Variants in ZNF644 observed in about 807,000 individuals in gnomAD.
ZNF644 encodes the protein zinc finger motif enhancer binding protein 2.
ZNF644 carries 20 observed loss-of-function variants against 108.0 expected under a neutral mutation model. That is an observed-to-expected ratio of 0.19 (90% CI 0.13 to 0.27). The LOEUF (loss-of-function observed/expected upper bound fraction) is 0.27, where lower values mean the gene tolerates loss of function less well. Ranked by LOEUF, ZNF644 falls within the 10% of genes least tolerant of loss-of-function variation. The pLI is 1.00. For missense variants in ZNF644, 1,338 were observed against 1,548.9 expected, an observed-to-expected ratio of 0.86 and a Z score of 2.29; for synonymous variants, 542 against 539.1, an observed-to-expected ratio of 1.01 and a Z score of -0.08.
At chr1:90,941,830 T>C (rs1184079543) in intron 2 of ZNF644, among the ~76,000 whole-genome samples, 2 of 152,154 alleles carry the variant, frequency 1.3e-5, no homozygotes, top group Non-Finnish European at 2.9e-5. Flanking sequence ...CAAAACACCA[T>C]TCAGTAAATA....
chr1:91,005,076 A>T (rs1048614893), intron 1 of ZNF644, among the ~76,000 whole-genome samples: 4 of 152,162 alleles, frequency 2.6e-5, no homozygotes, highest in African/African-American at 9.6e-5. Flanking sequence ...TCCAACTATA[A>T]CTGGCTACAA....
chr1:90,960,574 C>T (rs1057227947), intron 2 of ZNF644, among the ~76,000 whole-genome samples: 1 of 152,054 alleles, frequency 6.6e-6, no homozygotes, highest in Admixed American at 6.6e-5. Flanking sequence ...TGAATTTTAC[C>T]TCTGTTTAAA....
At chr1:90,953,114 T>A (rs145972147) in intron 2 of ZNF644, among the ~76,000 whole-genome samples, 6 of 151,368 alleles carry the variant, frequency 4.0e-5, no homozygotes, top group African/African-American at 9.7e-5. Context: ...AAAAAAATAG[T>A]ATCTCATAAA....
intron 1 of ZNF644, among the ~76,000 whole-genome samples, chr1:90,996,436 T>C (rs1324738372): frequency 6.6e-6 from 1 of 152,172 alleles, no homozygotes; most frequent in East Asian, 1.9e-4. Context: ...CAGCACACTT[T>C]AAGGCATCTT....
intron 1 of ZNF644, among the ~76,000 whole-genome samples, chr1:91,005,276 T>G (rs1659306737): frequency 6.6e-6 from 1 of 152,214 alleles, no homozygotes; most frequent in Admixed American, 6.5e-5. Context: ...CCATCAAAAT[T>G]ACATGCCACT....
chr1:90,968,336 T>C (rs1049592093), intron 2 of ZNF644, among the ~76,000 whole-genome samples: 4 of 152,178 alleles, frequency 2.6e-5, no homozygotes, highest in East Asian at 3.9e-4. Flanking sequence ...AAATATAGTA[T>C]TGCATAGGCA....
intron 1 of ZNF644, among the ~76,000 whole-genome samples, chr1:90,989,955 A>AC (rs1310158431): frequency 1.3e-5 from 2 of 152,242 alleles, no homozygotes; most frequent in Non-Finnish European, 2.9e-5. Context: ...GAATGTGTAT[A>AC]CATACAATGG....
At chr1:90,987,520 A>G (rs964233875) in intron 1 of ZNF644, among the ~76,000 whole-genome samples, 10 of 152,210 alleles carry the variant, frequency 6.6e-5, no homozygotes, top group Admixed American at 5.2e-4. Flanking sequence ...TAGTAAACAG[A>G]GATTGGATGC....
At chr1:91,015,745 T>G (rs1283134557) in intron 1 of ZNF644, among the ~76,000 whole-genome samples, 2 of 152,114 alleles carry the variant, frequency 1.3e-5, no homozygotes, top group African/African-American at 4.8e-5. Context: ...TATAACAACC[T>G]TGTCTTTATC....
At chr1:90,996,035 A>G (rs1324568649) in intron 1 of ZNF644, among the ~76,000 whole-genome samples, 1 of 152,198 alleles carries the variant, frequency 6.6e-6, no homozygotes, top group African/African-American at 2.4e-5. Flanking sequence ...TAAATACTGC[A>G]CACATTCTTT....
chr1:91,013,470 C>CACACACACACACAT (rs946705233), intron 1 of ZNF644, among the ~76,000 whole-genome samples: 3 of 149,434 alleles, frequency 2.0e-5, no homozygotes, highest in African/African-American at 7.6e-5. Flanking sequence ...CACACACACA[C>CACACACACACACAT]ACACACACAC....
intron 2 of ZNF644, among the ~76,000 whole-genome samples, chr1:90,978,382 TA>T (rs1340612745): frequency 6.7e-6 from 1 of 149,884 alleles, no homozygotes; most frequent in African/African-American, 2.5e-5. Context: ...AAATACTAAA[TA>T]CTAACTGTTA....
In ZNF644 at chr1:90,938,704, G is replaced by C; in HGVS notation, c.2650C>G (p.Gln884Glu). ...AAAGGGAATAAATTTACATGCTCTT[G>C]ATTAATATCACTATAGGTTTCATCT... ...IEDETYSDINQEHVNLFPLFK... is the reference protein window; with the variant it reads ...IEDETYSDINEEHVNLFPLFK... Residue 884 changes from glutamine to glutamate, a missense_variant, in exon 3 of 6, where the codon CAA becomes GAA. By Grantham distance (29) the Gln-to-Glu change is conservative (BLOSUM62 2). Around this residue, in one of 6 missense-constraint regions of ZNF644, gnomAD observed 462 missense variants for 472.6 expected, o/e 0.98. Transcript: ENST00000337393. The surrounding 1 kb of genome is among the most constrained non-coding windows in gnomAD (Gnocchi z 4.2). 6.2e-7 allele frequency: 1 copy of C among 1,613,328 alleles called. No homozygotes were observed. Among genetic ancestry groups the C allele is most frequent in the Non-Finnish European group, 8.5e-7 (1 of 1,179,824 alleles).
At chr1:90,985,456 C>T (rs966772386) in intron 1 of ZNF644, among the ~76,000 whole-genome samples, 4 of 152,122 alleles carry the variant, frequency 2.6e-5, no homozygotes, top group African/African-American at 9.7e-5. Flanking sequence ...CTCCTCTTGC[C>T]CCATCCACTC....
intron 2 of ZNF644, among the ~76,000 whole-genome samples, chr1:90,962,425 G>A (rs1035748665): frequency 6.6e-6 from 1 of 151,922 alleles, no homozygotes; most frequent in Non-Finnish European, 1.5e-5. Context: ...TTTAATAAAT[G>A]ATGTCATATA....
intron 2 of ZNF644, among the ~76,000 whole-genome samples, chr1:90,968,925 A>T (rs1055524603): frequency 2.0e-5 from 3 of 152,212 alleles, no homozygotes; most frequent in African/African-American, 7.2e-5. Flanking sequence ...AATGCACCAC[A>T]TCTTGTTATT....
chr1:91,010,364 G>A (rs1489040959), intron 1 of ZNF644, among the ~76,000 whole-genome samples: 7 of 147,956 alleles, frequency 4.7e-5, no homozygotes, highest in South Asian at 4.3e-4. Context: ...TCAGCTTCCC[G>A]AATAGCTGGG....
chr1:90,940,891 A>G lies in ZNF644; in HGVS notation c.463T>C (p.Leu155=). Residue 155 remains leucine, a synonymous_variant, in exon 3 of 6, where the codon TTG becomes CTG. Transcript: ENST00000337393. ...AGCTGAAGATCAGCTGCTACCTTCA[A>G]AGTTGAACAAGATTCTGTTGTTGGC... is the stretch of plus-strand genomic sequence containing the variant. ...DQPTTESCST[L]KVAADLQLST... is the part of the protein sequence containing the mutation. The G allele has an allele frequency of 1.9e-6, 3 of 1,614,072 alleles. No homozygotes were observed. The highest frequency in any genetic ancestry group is 2.5e-6 in the Non-Finnish European group (3 of 1,179,974).
chr1:90,931,201 CAA>C (rs536048815), intron 4 of ZNF644, among the ~76,000 whole-genome samples: 1 of 150,800 alleles, frequency 6.6e-6, no homozygotes, highest in African/African-American at 2.4e-5. Context: ...ACATTAGGCA[CAA>C]AAAAAGCTAA....
Sources: gnomAD v4.1 joint callset for allele counts (sites outside exome capture counted in the v4.1 genomes callset) on GRCh38, gnomAD v4.1.1 for gene constraint, gnomAD v4.1.1 regional missense constraint, Gnocchi (gnomAD v3.1) non-coding constraint, MANE v1.5 for transcripts, NCBI Gene and HGNC (gene_info 2026-07-23, HGNC 2026-07-21) for gene names.